TMEM145: variants seen among roughly 807,000 people sequenced by gnomAD.
The protein encoded by TMEM145 is transmembrane protein 145.
A neutral mutation model predicts 68.5 loss-of-function variants in TMEM145; 46 were observed. That is an observed-to-expected ratio of 0.67 (90% CI 0.53 to 0.86). TMEM145 has a LOEUF of 0.86. Ranked by LOEUF, TMEM145 falls within the 40% of genes least tolerant of loss-of-function variation. The pLI, the probability that TMEM145 is intolerant of heterozygous loss-of-function variation, is 0.00. For missense variants in TMEM145, 570 were observed against 645.8 expected (o/e 0.88, Z 1.27); for synonymous variants, 255 against 280.2 (o/e 0.91, Z 0.90).
chr19:42,315,172 C>T lies in TMEM145; in HGVS notation c.506-16C>T. 6.2e-7 allele frequency: 1 copy of T among 1,612,332 alleles called. No homozygotes were observed. The highest frequency in any genetic ancestry group is 8.5e-7 in the Non-Finnish European group (1 of 1,178,636). ...ATCCACCTGAATGAACCTTACTCCT[C>T]CTACCAAATCGGCAGGGATCCTGGA... On this transcript the variant is annotated splice_polypyrimidine_tract_variant and intron_variant, in intron 6 of 14. Transcript: ENST00000301204.
At chr19:42,323,355 C>T (rs560338995) in intron 13 of TMEM145, among the ~76,000 whole-genome samples, 1 of 152,238 alleles carries the variant, frequency 6.6e-6, no homozygotes, top group Admixed American at 6.5e-5. Flanking sequence ...AGTGACAGCT[C>T]AGTGATCAGG....
chr19:42,315,053 C>G lies in TMEM145; in HGVS notation c.481C>G (p.Arg161Gly). ...VLTNGKSFWTRHFSADEFGIL... is the reference protein window; with the variant it reads ...VLTNGKSFWTGHFSADEFGIL... Reference sequence around the variant, plus strand: ...CACCAATGGCAAGTCCTTCTGGACACGACACTTCTCCGCTGATGAGTTTGG... The same window carrying G: ...CACCAATGGCAAGTCCTTCTGGACAGGACACTTCTCCGCTGATGAGTTTGG... The change falls in exon 6 of 15, where the codon CGA becomes GGA. Residue 161 changes from arginine to glycine, a missense_variant. Transcript: ENST00000301204. The G allele has an allele frequency of 6.2e-7, 1 of 1,614,132 alleles. No individual in the cohort carries two copies. Among genetic ancestry groups the G allele is most frequent in the Non-Finnish European group, 8.5e-7 (1 of 1,180,004 alleles).
rs902951089 is a variant in TMEM145 at position 42,313,938 on chromosome 19, G to C, written c.121-334G>C. Among the ~76,000 whole-genome samples, 14 of 152,136 alleles carry C rather than the reference G, an allele frequency of 9.2e-5. No individual in the cohort carries two copies. The highest frequency in any genetic ancestry group is 1.5e-4 in the Non-Finnish European group (10 of 67,990). On this transcript the variant is annotated intron_variant, in intron 1 of 14. Coordinates refer to ENST00000301204, the MANE Select transcript of TMEM145 (RefSeq NM_173633.3). This position sits in a 1 kb window ranked among gnomAD's most constrained non-coding sequence, Gnocchi z 5.1. ...GGTGCAGGGGAGTGTGGATATTGGG[G>C]GAACGGGGTTAGATATTGGCCAGGA...
At chr19:42,319,683 G>A (rs2038892880) in intron 12 of TMEM145, among the ~76,000 whole-genome samples, 1 of 151,882 alleles carries the variant, frequency 6.6e-6, no homozygotes, top group African/African-American at 2.4e-5. Flanking sequence ...CCTGACCTCA[G>A]GTGATCCACC....
intron 8 of TMEM145, among the ~76,000 whole-genome samples, chr19:42,315,911 T>C (rs577923768): frequency 6.6e-6 from 1 of 152,138 alleles, no homozygotes; most frequent in African/African-American, 2.4e-5. Flanking sequence ...GTGCGTGTAA[T>C]CCCAGCTACT....
chr19:42,323,475 G>A, intron 13 of TMEM145, 108 bp from the exon 14 acceptor site: 1 of 1,051,766 alleles, frequency 9.5e-7, no homozygotes, highest in South Asian at 1.5e-5. Flanking sequence ...TGGCTTCAGG[G>A]AAGTGTGGTG....
chr19:42,321,394 T>G (rs901281972), intron 13 of TMEM145: 3 of 344,554 alleles, frequency 8.7e-6, no homozygotes, highest in East Asian at 4.2e-5. Context: ...TGGTTTTTTT[T>G]TTTTTTTTTT....
At chr19:42,317,632 T>C in intron 11 of TMEM145, 77 bp from the exon 12 acceptor site, 1 of 1,455,510 alleles carries the variant, frequency 6.9e-7, no homozygotes, top group Admixed American at 1.9e-5. Context: ...TGTTCCCAAG[T>C]GCCCAGGGGT....
At position 42,314,594 on chromosome 19, in the gene TMEM145, C is replaced by G. The variant is rs1338361404; in HGVS notation, c.274-19C>G. On this transcript the variant is annotated intron_variant, in intron 3 of 14. Coordinates refer to ENST00000301204, the MANE Select transcript of TMEM145 (RefSeq NM_173633.3). ...GTCGTTGCTGGCCGGGGGAGTGACC[C>G]TGTCCCTGCCTTCCCCAGGACTGCC... 1.2e-6 allele frequency: 2 copies of G among 1,614,164 alleles called. No homozygotes were observed. The highest frequency in any genetic ancestry group is 3.3e-5 in the Admixed American group (2 of 60,028).
At chr19:42,324,265 AC>A (rs899289931) in intron 14 of TMEM145, 21 of 983,928 alleles carry the variant, frequency 2.1e-5, no homozygotes, top group Non-Finnish European at 2.3e-5. Flanking sequence ...TCTGACCCTG[AC>A]CCCCCTCCCA....
chr19:42,314,582 G>C (rs1372261629), intron 3 of TMEM145, 31 bp from the exon 4 acceptor site: 2 of 1,614,076 alleles, frequency 1.2e-6, no homozygotes, highest in Non-Finnish European at 8.5e-7. Flanking sequence ...GTTGCTGGCC[G>C]GGGGAGTGAC....
chr19:42,315,496 A>G, intron 8 of TMEM145, 56 bp downstream of exon 8: 1 of 1,578,446 alleles, frequency 6.3e-7, no homozygotes, highest in South Asian at 1.1e-5. Flanking sequence ...TTGGGGCCAG[A>G]CACCTGGGCC....
In TMEM145 at chr19:42,313,531, G is replaced by A. The variant is rs1204292487; in HGVS notation, c.120+35G>A. On this transcript the variant is annotated intron_variant, in intron 1 of 14. Coordinates refer to ENST00000301204, the MANE Select transcript of TMEM145 (RefSeq NM_173633.3). The surrounding 1 kb of genome is among the most constrained non-coding windows in gnomAD (Gnocchi z 5.1). ...CCGAGCCCTCCTCTGCGGCCCGCCG[G>A]CCCCCGGGGGACGCAAGGGAGGCGA... 1.4e-5 allele frequency: 18 copies of A among 1,253,328 alleles called. No homozygotes were observed. The East Asian group carries it at 5.1e-4, about 35-fold the overall frequency. 77.6% of individuals were successfully genotyped at this position (1,253,328 alleles called of 1,614,324 possible).
Position 42,313,754 on chromosome 19 carries a change from TC to T in TMEM145, c.120+259del, listed in dbSNP as rs1363342981. On this transcript the variant is annotated intron_variant, in intron 1 of 14. Transcript: ENST00000301204. The surrounding 1 kb of genome is among the most constrained non-coding windows in gnomAD (Gnocchi z 5.1). ...GGGGAGGGGGAGCGGGTTGGGAGAGTCAGAGTTTGGGAAGGGTGGTGCAGAG... is the reference window on the plus strand; with the variant it reads ...GGGGAGGGGGAGCGGGTTGGGAGAGTAGAGTTTGGGAAGGGTGGTGCAGAG... Among the ~76,000 whole-genome samples the T allele has an allele frequency of 2.7e-5, 4 of 150,174 alleles. No homozygotes were observed. Among genetic ancestry groups the T allele is most frequent in the Admixed American group, 6.6e-5 (1 of 15,082 alleles).
intron 13 of TMEM145, among the ~76,000 whole-genome samples, chr19:42,322,406 TC>T (rs1348061706): frequency 6.6e-6 from 1 of 152,104 alleles, no homozygotes; most frequent in Non-Finnish European, 1.5e-5. Context: ...GAGCTACAGA[TC>T]CCAGAGGCGG....
intron 2 of TMEM145, 50 bp downstream of exon 2, chr19:42,314,396 C>A: frequency 6.2e-7 from 1 of 1,613,880 alleles, no homozygotes; most frequent in Non-Finnish European, 8.5e-7. Flanking sequence ...CTTCCCTTGG[C>A]CTCCAAAGGC....
At position 42,324,875 on chromosome 19, in the gene TMEM145, A is replaced by G. The variant is rs2147430246; in HGVS notation, c.*58A>G. The G allele has an allele frequency of 2.8e-6, 4 of 1,442,340 alleles. No homozygotes were observed. Among genetic ancestry groups the G allele is most frequent in the Non-Finnish European group, 3.6e-6 (4 of 1,100,740 alleles). The allele number at this position is 1,442,340 out of a possible 1,614,324, so 89.3% of individuals were successfully genotyped here. A position where few individuals can be genotyped will look rare whatever the true frequency, so the allele number is the denominator to read the frequency against. ...GCCGGGACCCTGCCTGTGACTCTCCAGGACTCTGCGACCCCGGGATGGATA... is the reference window on the plus strand; with the variant it reads ...GCCGGGACCCTGCCTGTGACTCTCCGGGACTCTGCGACCCCGGGATGGATA... On this transcript the variant is annotated 3_prime_UTR_variant, in exon 15 of 15. Coordinates refer to ENST00000301204, the MANE Select transcript of TMEM145 (RefSeq NM_173633.3).
chr19:42,323,558 C>T, intron 13 of TMEM145, 25 bp from the exon 14 acceptor site: 1 of 1,612,050 alleles, frequency 6.2e-7, no homozygotes, highest in Non-Finnish European at 8.5e-7. Context: ...GTGCCTCTCA[C>T]ACCTGCTCCT....
rs552055450 is a variant in TMEM145, at chr19:42,316,234, G to C, written c.647-247G>C. Among the ~76,000 whole-genome samples the C allele has an allele frequency of 2.3e-3, 339 of 150,548 alleles. 2 individuals carry two copies. The highest frequency in any genetic ancestry group is 5.5e-3 in the Admixed American group (83 of 15,164). The stretch of plus-strand genomic sequence containing the variant: ...GGGGGCCTGGACCCCTGGGTCTGAG[G>C]GGGGAGGGGGTGAGGGCCTGGACCC... On this transcript the variant is annotated intron_variant, in intron 8 of 14. Coordinates refer to ENST00000301204, the MANE Select transcript of TMEM145 (RefSeq NM_173633.3).
Sources: gnomAD v4.1 joint callset for allele counts (sites outside exome capture counted in the v4.1 genomes callset) on GRCh38, gnomAD v4.1.1 for gene constraint, Gnocchi (gnomAD v3.1) non-coding constraint, MANE v1.5 for transcripts, NCBI Gene and HGNC (gene_info 2026-07-23, HGNC 2026-07-21) for gene names.